CCDC91: variants seen among roughly 807,000 people sequenced by gnomAD.
CCDC91 encodes the protein coiled-coil domain-containing protein 91.
In CCDC91, 48 loss-of-function variants were observed where a neutral mutation model predicts 63.2. The ratio of observed to expected loss-of-function variants is 0.76; its 90% CI spans 0.60 to 0.97. The LOEUF is 0.97. Among genes scored for constraint, CCDC91 ranks in the 50% least tolerant of loss-of-function variants. The pLI is 0.00. For missense variants in CCDC91, 500 were observed against 494.6 expected (o/e 1.01, Z -0.10); for synonymous variants, 167 against 165.8 (o/e 1.01, Z -0.06).
In CCDC91 at chr12:28,483,293, A is replaced by G. The variant is rs868219983; in HGVS notation, c.1102-759A>G. Among the ~76,000 whole-genome samples, 8 of 152,180 alleles carry G rather than the reference A, an allele frequency of 5.3e-5. 1 individual carries two copies. Among genetic ancestry groups the G allele is most frequent in the South Asian group, 4.1e-4 (2 of 4,828 alleles). On this transcript the variant is annotated intron_variant, in intron 11 of 12. Coordinates refer to ENST00000536442, the MANE Select transcript of CCDC91 (RefSeq NM_018318.5). ...TTCCAATTGATTGCCTTGATGTCCA[A>G]TAAAAAAGGGTGGTACCTATAGATG...
intron 8 of CCDC91, among the ~76,000 whole-genome samples, chr12:28,393,102 G>C (rs1383500389): frequency 4.6e-5 from 7 of 152,048 alleles, no homozygotes; most frequent in Admixed American, 4.6e-4. Context: ...TTTTTTGACA[G>C]CGTTCCTAGT....
chr12:28,515,765 T>C (rs1431550212), intron 12 of CCDC91, among the ~76,000 whole-genome samples: 5 of 151,924 alleles, frequency 3.3e-5, no homozygotes, highest in Non-Finnish European at 5.9e-5. Flanking sequence ...CAGTTTCGTT[T>C]AACATAGATT....
intron 8 of CCDC91, among the ~76,000 whole-genome samples, chr12:28,440,711 T>A (rs1949140680): frequency 6.6e-6 from 1 of 151,800 alleles, no homozygotes; most frequent in African/African-American, 2.4e-5. Context: ...CCAGAGTATA[T>A]AAATCAGTAA....
intron 3 of CCDC91, among the ~76,000 whole-genome samples, chr12:28,279,954 C>A (rs1195000765): frequency 2.0e-5 from 3 of 152,004 alleles, no homozygotes; most frequent in African/African-American, 7.2e-5. Flanking sequence ...AACATCATAT[C>A]TACTATTTTA....
At chr12:28,222,295 C>CGGT (rs1943999347) in intron 1 of CCDC91, among the ~76,000 whole-genome samples, 1 of 151,748 alleles carries the variant, frequency 6.6e-6, no homozygotes, top group African/African-American at 2.4e-5. Flanking sequence ...ACAGGGGTGG[C>CGGT]GGTGGTGGTG....
At position 28,450,227 on chromosome 12, in the gene CCDC91, T is replaced by C. The variant is rs1362316670; in HGVS notation, c.829T>C (p.Leu277=). Residue 277 remains leucine (L), a synonymous_variant, in exon 9 of 13, where the codon TTG becomes CTG. Transcript: ENST00000536442. The part of the protein sequence containing the change: ...ELLKEKIKEA[L]IQQSQEQKEI... ...GTTAAAAGAAAAAATAAAGGAAGCT[T>C]TGATTCAGCAATCTCAAGAACAGAA... is the stretch of plus-strand genomic sequence containing the variant. The C allele has an allele frequency of 1.2e-6, 2 of 1,609,912 alleles. No homozygotes were observed. Among genetic ancestry groups the C allele is most frequent in the East Asian group, 4.5e-5 (2 of 44,678 alleles).
intron 8 of CCDC91, among the ~76,000 whole-genome samples, chr12:28,392,554 A>C (rs921481575): frequency 6.6e-6 from 1 of 152,216 alleles, no homozygotes; most frequent in Non-Finnish European, 1.5e-5. Flanking sequence ...TTATATCCAC[A>C]TGGTTCCACC....
chr12:28,311,637 T>C (rs1939338394), intron 6 of CCDC91, among the ~76,000 whole-genome samples: 1 of 152,062 alleles, frequency 6.6e-6, no homozygotes, highest in South Asian at 2.1e-4. Flanking sequence ...TATGACTATT[T>C]AGAAGAAAGT....
chr12:28,526,485 T>C (rs926482223), intron 12 of CCDC91, among the ~76,000 whole-genome samples: 1 of 152,184 alleles, frequency 6.6e-6, no homozygotes, highest in Non-Finnish European at 1.5e-5. Flanking sequence ...GTTAATCTGA[T>C]TGGTTTTCCT....
intron 12 of CCDC91, among the ~76,000 whole-genome samples, chr12:28,516,277 A>G (rs956065989): frequency 4.6e-4 from 70 of 151,932 alleles, no homozygotes; most frequent in African/African-American, 1.7e-3. Flanking sequence ...CTATATCAGA[A>G]TACCTAAGAC....
chr12:28,334,387 C>G (rs1260819853), intron 6 of CCDC91, among the ~76,000 whole-genome samples: 1 of 152,054 alleles, frequency 6.6e-6, no homozygotes, highest in Non-Finnish European at 1.5e-5. Flanking sequence ...TCTTTATATT[C>G]TTGGCATTAT....
At chr12:28,339,258 A>G (rs1476307249) in intron 6 of CCDC91, among the ~76,000 whole-genome samples, 1 of 152,140 alleles carries the variant, frequency 6.6e-6, no homozygotes, top group Non-Finnish European at 1.5e-5. Flanking sequence ...AAAATTTTCC[A>G]TTTACTGACA....
At chr12:28,255,249 A>C (rs1946369797) in intron 1 of CCDC91, among the ~76,000 whole-genome samples, 9 of 152,180 alleles carry the variant, frequency 5.9e-5, no homozygotes, top group Admixed American at 5.2e-4. Context: ...CCTTACAAAT[A>C]GTTTATTGGG....
intron 6 of CCDC91, among the ~76,000 whole-genome samples, chr12:28,326,401 A>T (rs10743618): frequency 2.8e-4 from 33 of 118,544 alleles, no homozygotes; most frequent in African/African-American, 5.9e-4. Flanking sequence ...GTTTTTTTTT[A>T]AATTTATTAT....
At chr12:28,202,900 C>A (rs1942571100) in intron 1 of CCDC91, among the ~76,000 whole-genome samples, 1 of 152,222 alleles carries the variant, frequency 6.6e-6, no homozygotes, top group South Asian at 2.1e-4. Context: ...TGATGTTAAA[C>A]AGTTGGCTCT....
At chr12:28,433,652 T>C (rs1948747744) in intron 8 of CCDC91, among the ~76,000 whole-genome samples, 1 of 151,962 alleles carries the variant, frequency 6.6e-6, no homozygotes, top group African/African-American at 2.4e-5. Flanking sequence ...TCCTCCAACT[T>C]TGTCCTTCTC....
At chr12:28,535,421 G>A (rs1054201893) in intron 12 of CCDC91, among the ~76,000 whole-genome samples, 1 of 152,124 alleles carries the variant, frequency 6.6e-6, no homozygotes, top group African/African-American at 2.4e-5. Flanking sequence ...ATTTATTTAT[G>A]TTAAAACAGA....
At chr12:28,253,695 A>C (rs1292230171) in intron 1 of CCDC91, among the ~76,000 whole-genome samples, 1 of 152,216 alleles carries the variant, frequency 6.6e-6, no homozygotes, top group African/African-American at 2.4e-5. Context: ...TTTTATGCAG[A>C]AGCCAATAAT....
Position 28,549,204 on chromosome 12 carries a change from G to C in CCDC91, c.*31G>C. 8.4e-7 allele frequency: 1 copy of C among 1,185,764 alleles called. No individual in the cohort carries two copies. Among genetic ancestry groups the C allele is most frequent in the Non-Finnish European group, 1.3e-6 (1 of 791,986 alleles). The allele number at this position is 1,185,764 out of a possible 1,614,324, so 73.5% of individuals were successfully genotyped here. ...ACATGACAAACCCACACTGGCATTG[G>C]ATAAATCATATTACACCTTCAAAAT... is the stretch of plus-strand genomic sequence containing the variant. On this transcript the variant is annotated 3_prime_UTR_variant, in exon 13 of 13. Coordinates refer to ENST00000536442, the MANE Select transcript of CCDC91 (RefSeq NM_018318.5).
Sources: allele counts gnomAD v4.1 joint callset (sites outside exome capture counted in the v4.1 genomes callset), GRCh38; gene constraint gnomAD v4.1.1; transcripts MANE v1.5; gene names NCBI Gene and HGNC (gene_info 2026-07-23, HGNC 2026-07-21).